Variants in NUP35 observed in about 807,000 individuals in gnomAD.
NUP35 encodes the protein nucleoporin 35, also known as nucleoporin NUP35.
Under a neutral mutation model 41.5 loss-of-function variants are expected in NUP35, and 25 were observed. The observed-to-expected ratio is 0.60, with a 90% CI of 0.44 to 0.84. NUP35 has a LOEUF of 0.84. Among genes scored for constraint, NUP35 ranks in the 40% least tolerant of loss-of-function variants. The pLI is 0.00. For missense variants in NUP35, 396 were observed against 396.6 expected (o/e 1.00, Z 0.01); for synonymous variants, 149 against 130.7 (o/e 1.14, Z -0.96).
At chr2:183,154,174 T>A (rs1290811463) in intron 5 of NUP35, among the ~76,000 whole-genome samples, 1 of 152,198 alleles carries the variant, frequency 6.6e-6, no homozygotes, top group Non-Finnish European at 1.5e-5. Flanking sequence ...TTTTTCCTCC[T>A]GGGCCTCCAG....
At chr2:183,158,510 C>A in intron 7 of NUP35, 99 bp downstream of exon 7, 1 of 1,077,194 alleles carries the variant, frequency 9.3e-7, no homozygotes, top group Non-Finnish European at 1.3e-6. Flanking sequence ...TTCACTGTGT[C>A]TGTTTTTCTT....
intron 4 of NUP35, among the ~76,000 whole-genome samples, chr2:183,149,439 T>G (rs1349765872): frequency 6.6e-6 from 1 of 152,138 alleles, no homozygotes; most frequent in Admixed American, 6.5e-5. Flanking sequence ...TGTTTTTGTT[T>G]TAAAAATCTT....
intron 4 of NUP35, among the ~76,000 whole-genome samples, chr2:183,137,844 CT>C (rs1381762420): frequency 6.6e-6 from 1 of 151,398 alleles, no homozygotes; most frequent in African/African-American, 2.4e-5. Flanking sequence ...ATTTTAGTGG[CT>C]CTCTTAGTTG....
intron 3 of NUP35, chr2:183,130,929 C>G: frequency 2.7e-6 from 3 of 1,112,242 alleles, no homozygotes; most frequent in Non-Finnish European, 3.4e-6. Flanking sequence ...AGAGTTTCAT[C>G]TAGATCTAGG....
intron 1 of NUP35, among the ~76,000 whole-genome samples, chr2:183,125,501 T>C (rs1362482302): frequency 6.6e-6 from 1 of 152,240 alleles, no homozygotes; most frequent in Non-Finnish European, 1.5e-5. Context: ...TTTTTGAGAA[T>C]AGAGTAACTT....
chr2:183,136,372 G>C (rs1684874903), intron 4 of NUP35, among the ~76,000 whole-genome samples: 1 of 152,208 alleles, frequency 6.6e-6, no homozygotes, highest in Non-Finnish European at 1.5e-5. Context: ...CTGTGTTTCT[G>C]TCTGGAGGCT....
intron 5 of NUP35, among the ~76,000 whole-genome samples, chr2:183,156,152 T>C (rs1685657984): frequency 6.6e-6 from 1 of 152,190 alleles, no homozygotes; most frequent in Non-Finnish European, 1.5e-5. Context: ...GAATTATGTT[T>C]TATTTCTTAA....
chr2:183,130,785 C>T (rs537470140), intron 3 of NUP35, among the ~76,000 whole-genome samples: 190 of 152,226 alleles, frequency 1.2e-3, no homozygotes, highest in African/African-American at 4.5e-3. Flanking sequence ...TATAGGTATG[C>T]CTTATCCACC....
chr2:183,152,298 AT>A (rs1179953017), intron 5 of NUP35, among the ~76,000 whole-genome samples: 1 of 152,114 alleles, frequency 6.6e-6, no homozygotes, highest in Non-Finnish European at 1.5e-5. Flanking sequence ...ATGCTTTTTT[AT>A]TTCCATAGGT....
intron 4 of NUP35, among the ~76,000 whole-genome samples, chr2:183,149,721 C>A (rs962452498): frequency 6.6e-6 from 1 of 152,160 alleles, no homozygotes; most frequent in East Asian, 1.9e-4. Context: ...ATTACTGCCT[C>A]AGAGCTCATG....
At chr2:183,132,387 CT>C (rs1424096567) in intron 3 of NUP35, among the ~76,000 whole-genome samples, 1 of 146,302 alleles carries the variant, frequency 6.8e-6, no homozygotes, top group African/African-American at 2.6e-5. Context: ...ACTCTTGTCT[CT>C]ACTGAAAATA....
chr2:183,118,022 C>A (rs1025447537), intron 1 of NUP35, among the ~76,000 whole-genome samples: 3 of 152,084 alleles, frequency 2.0e-5, no homozygotes, highest in Admixed American at 6.5e-5. Context: ...GGGGCAAGAA[C>A]CCTTGTACTC....
chr2:183,154,331 C>G (rs535831210), intron 5 of NUP35, among the ~76,000 whole-genome samples: 1 of 152,318 alleles, frequency 6.6e-6, no homozygotes, highest in South Asian at 2.1e-4. Context: ...ATGAGTTTTC[C>G]TTTTCTACTG....
intron 4 of NUP35, among the ~76,000 whole-genome samples, chr2:183,144,030 G>A (rs1321301746): frequency 2.6e-5 from 4 of 152,332 alleles, no homozygotes; most frequent in African/African-American, 9.6e-5. Flanking sequence ...AAGGCTGCTT[G>A]TAATGTTTGG....
rs1329676589 is a variant in NUP35 at position 183,161,291 on chromosome 2, T to C, written c.*160T>C. The C allele has an allele frequency of 2.2e-6, 1 of 464,294 alleles. No individual in the cohort carries two copies. Among genetic ancestry groups the C allele is most frequent in the Non-Finnish European group, 4.0e-6 (1 of 253,072 alleles). The allele number at this position is 464,294 out of a possible 1,614,324, so 28.8% of individuals were successfully genotyped here. A position where few individuals can be genotyped will look rare whatever the true frequency, so the allele number is the denominator to read the frequency against. ...ATTAAGGATACAACCTATTTGTAGC[T>C]CGCACTTTAAAAGATGCTTGAGATA... is the stretch of plus-strand genomic sequence containing the variant. On this transcript the variant is annotated 3_prime_UTR_variant, in exon 9 of 9. Transcript: ENST00000295119.
chr2:183,137,397 TAGTG>T (rs1684913058), intron 4 of NUP35, among the ~76,000 whole-genome samples: 2 of 152,078 alleles, frequency 1.3e-5, no homozygotes, highest in African/African-American at 4.8e-5. Flanking sequence ...CTGGGCAACA[TAGTG>T]AGATGCCTGT....
intron 4 of NUP35, among the ~76,000 whole-genome samples, chr2:183,146,636 A>C (rs1685288245): frequency 6.6e-6 from 1 of 151,278 alleles, no homozygotes; most frequent in East Asian, 1.9e-4. Flanking sequence ...TCTCACTGTC[A>C]CCCAGGCTGG....
intron 4 of NUP35, among the ~76,000 whole-genome samples, chr2:183,138,283 T>TTTTTTTTTTTTC (rs1684964806): frequency 7.2e-6 from 1 of 139,572 alleles, no homozygotes; most frequent in Non-Finnish European, 1.5e-5. Context: ...TTTTTTTTTT[T>TTTTTTTTTTTTC]TAGCTCCTGT....
intron 3 of NUP35, among the ~76,000 whole-genome samples, chr2:183,133,298 CAT>C (rs544611063): frequency 1.6e-3 from 237 of 149,770 alleles, no homozygotes; most frequent in African/African-American, 5.6e-3. Context: ...AAATAGTTAA[CAT>C]GTCACCTTTT....
Sources: allele counts gnomAD v4.1 joint callset (sites outside exome capture counted in the v4.1 genomes callset), GRCh38; gene constraint gnomAD v4.1.1; transcripts MANE v1.5; gene names NCBI Gene and HGNC (gene_info 2026-07-23, HGNC 2026-07-21).